TNFSF13B: variants seen among roughly 807,000 people sequenced by gnomAD.
TNFSF13B encodes the protein tumor necrosis factor ligand superfamily member 13B.
A neutral mutation model predicts 29.1 loss-of-function variants in TNFSF13B; 8 were observed. That is an observed-to-expected ratio of 0.27 (90% CI 0.16 to 0.50). The LOEUF (loss-of-function observed/expected upper bound fraction) is 0.50, where lower values mean the gene tolerates loss of function less well. Among genes scored for constraint, TNFSF13B ranks in the 20% least tolerant of loss-of-function variants. The probability of loss-of-function intolerance (pLI) is 0.98; values close to 1 mark genes in which losing one functional copy is unlikely to be tolerated. For synonymous variants in TNFSF13B, 125 were observed against 130.8 expected, an observed-to-expected ratio of 0.96 and a Z score of 0.30; for missense variants, 248 against 334.9, an observed-to-expected ratio of 0.74 and a Z score of 2.03.
At chr13:108,281,837 T>C (rs1430588844) in intron 2 of TNFSF13B, among the ~76,000 whole-genome samples, 1 of 152,188 alleles carries the variant, frequency 6.6e-6, no homozygotes. Context: ...TCAGTGAAAA[T>C]GTTAATTCAA....
chr13:108,290,808 T>C (rs1464354707), intron 3 of TNFSF13B, among the ~76,000 whole-genome samples: 1 of 152,070 alleles, frequency 6.6e-6, no homozygotes, highest in Non-Finnish European at 1.5e-5. Context: ...ATTTGGGTTG[T>C]GATTAGAAAG....
chr13:108,272,872 G>A (rs569514774), intron 2 of TNFSF13B, among the ~76,000 whole-genome samples: 2 of 151,998 alleles, frequency 1.3e-5, no homozygotes, highest in South Asian at 4.2e-4. Flanking sequence ...AAAAAAAGAT[G>A]TAGACTCATT....
intron 3 of TNFSF13B, among the ~76,000 whole-genome samples, chr13:108,292,229 G>A (rs940095896): frequency 2.0e-5 from 3 of 151,972 alleles, no homozygotes; most frequent in Non-Finnish European, 2.9e-5. Flanking sequence ...CACACAATAC[G>A]TGACTTTTAG....
Position 108,297,322 on chromosome 13 carries a change from C to T in TNFSF13B, c.482-5931C>T, listed in dbSNP as rs1307257266. ...TGACAAATCAGCTATTAATCTTATT[C>T]AGCATATTTTATATTTGATGAATTG... is the stretch of plus-strand genomic sequence containing the variant. On this transcript the variant is annotated intron_variant, in intron 3 of 5. Coordinates refer to ENST00000375887, the MANE Select transcript of TNFSF13B (RefSeq NM_006573.5). 1.4e-5 allele frequency among the ~76,000 whole-genome samples: 2 copies of T among 145,618 alleles called. 1 individual carries two copies. Among genetic ancestry groups the T allele is most frequent in the African/African-American group, 5.1e-5 (2 of 38,840 alleles).
intron 3 of TNFSF13B, among the ~76,000 whole-genome samples, chr13:108,293,962 C>G (rs992541621): frequency 2.6e-5 from 4 of 152,174 alleles, no homozygotes; most frequent in Admixed American, 1.3e-4. Flanking sequence ...CTAATACCAT[C>G]ACATTGGAAG....
intron 3 of TNFSF13B, among the ~76,000 whole-genome samples, chr13:108,296,974 G>A (rs1055983485): frequency 2.1e-5 from 3 of 145,420 alleles, no homozygotes; most frequent in Non-Finnish European, 4.6e-5. Flanking sequence ...GGAAACAAAA[G>A]GAGAAGTTAA....
chr13:108,296,408 T>A (rs1881460392), intron 3 of TNFSF13B, among the ~76,000 whole-genome samples: 1 of 145,838 alleles, frequency 6.9e-6, no homozygotes, highest in South Asian at 2.1e-4. Context: ...ATCCCTGTTA[T>A]CTTTGGCTGC....
chr13:108,306,884 A>T lies in TNFSF13B; in HGVS notation c.804A>T (p.Ala268=), dbSNP rs200637060. The change falls in exon 6 of 6, where the codon GCA becomes GCT. Residue 268 remains alanine, a synonymous_variant. Transcript: ENST00000375887. ...AACTTGCAATACCAAGAGAAAATGC[A>T]CAAATATCACTGGATGGAGATGTCA... ...ELQLAIPREN[A]QISLDGDVTF... The T allele has an allele frequency of 4.7e-5, 76 of 1,611,814 alleles. No individual in the cohort carries two copies. Among genetic ancestry groups the T allele is most frequent in the Non-Finnish European group, 6.4e-5 (75 of 1,178,702 alleles).
At position 108,270,208 on chromosome 13, in the gene TNFSF13B, G is replaced by A. The variant is rs201543678; in HGVS notation, c.313G>A (p.Ala105Thr). The A allele has an allele frequency of 1.0e-3, 1,667 of 1,602,924 alleles. 25 individuals carry two copies. In the Admixed American group the frequency reaches 0.019, roughly 18 times the overall value. Residue 105 changes from alanine (A) to threonine (T), a missense_variant, in exon 1 of 6, where the codon GCT becomes ACT. This residue lies in a region of TNFSF13B where 186 missense variants were observed against 196.3 expected (regional missense o/e 0.95). Coordinates refer to ENST00000375887, the MANE Select transcript of TNFSF13B (RefSeq NM_006573.5). ...AGAPKAGLEE[A>T]PAVTAGLKIF... ...AGCCCCCAAGGCCGGCCTGGAGGAA[G>A]CTCCAGCTGTCACCGCGGGACTGAA...
intron 2 of TNFSF13B, among the ~76,000 whole-genome samples, chr13:108,281,211 A>G (rs1880944518): frequency 6.6e-6 from 1 of 152,208 alleles, no homozygotes; most frequent in Admixed American, 6.5e-5. Context: ...ATTGCACTCC[A>G]GCCTGGGCAA....
chr13:108,291,746 T>C (rs1167786808), intron 3 of TNFSF13B, among the ~76,000 whole-genome samples: 1 of 152,060 alleles, frequency 6.6e-6, no homozygotes, highest in African/African-American at 2.4e-5. Context: ...ATAATTTTCA[T>C]TTATTGGGTG....
rs1375085976 is a variant in TNFSF13B at position 108,269,992 on chromosome 13, C to T, written c.97C>T (p.Arg33Trp). ...GAAGGAGTGTGTTTCCATCCTCCCACGGAAGGAAAGCCCCTCTGTCCGATC... is the reference window on the plus strand; with the variant it reads ...GAAGGAGTGTGTTTCCATCCTCCCATGGAAGGAAAGCCCCTCTGTCCGATC... ...KLKECVSILP[R>W]KESPSVRSSK... Residue 33 changes from arginine to tryptophan, a missense_variant, in exon 1 of 6, where the codon CGG becomes TGG. Physicochemically the swap from Arg to Trp is moderately radical, Grantham distance 101. Transcript: ENST00000375887. The T allele has an allele frequency of 6.2e-7, 1 of 1,613,498 alleles. No individual in the cohort carries two copies. The highest frequency in any genetic ancestry group is 1.7e-5 in the Admixed American group (1 of 60,018).
intron 2 of TNFSF13B, among the ~76,000 whole-genome samples, chr13:108,277,875 C>T (rs1263905774): frequency 6.6e-6 from 1 of 152,046 alleles, no homozygotes; most frequent in Non-Finnish European, 1.5e-5. Context: ...TTGTCAGCAA[C>T]GCCTTTGTGA....
At chr13:108,303,683 A>G in intron 5 of TNFSF13B, 79 bp downstream of exon 5, 1 of 1,444,044 alleles carries the variant, frequency 6.9e-7, no homozygotes, top group Non-Finnish European at 9.4e-7. Context: ...AAATGCAAAA[A>G]TGAAAGGATG....
At chr13:108,286,349 T>C (rs12583239) in intron 2 of TNFSF13B, among the ~76,000 whole-genome samples, 34,730 of 151,156 alleles carry the variant, frequency 0.23, 4,702 homozygotes, top group East Asian at 0.43. Flanking sequence ...TCAATACGTA[T>C]TAGCATTTTT....
At chr13:108,280,865 A>AAC (rs1477666653) in intron 2 of TNFSF13B, among the ~76,000 whole-genome samples, 5 of 152,094 alleles carry the variant, frequency 3.3e-5, no homozygotes, top group Non-Finnish European at 5.9e-5. Context: ...TGTCTATACA[A>AAC]ACACACACAC....
Position 108,307,124 on chromosome 13 carries a change from C to A in TNFSF13B, c.*186C>A. ...AGTCCAAAACAGGAAATTTAACAGA[C>A]AGCCACAGCCAAAGAGTGTCATGTG... On this transcript the variant is annotated 3_prime_UTR_variant, in exon 6 of 6. Transcript: ENST00000375887. 2.0e-6 allele frequency: 1 copy of A among 503,416 alleles called. No individual in the cohort carries two copies. Among genetic ancestry groups the A allele is most frequent in the Non-Finnish European group, 3.4e-6 (1 of 293,210 alleles). The allele number at this position is 503,416 out of a possible 1,614,324, so 31.2% of individuals were successfully genotyped here. A position where few individuals can be genotyped will look rare whatever the true frequency, so the allele number is the denominator to read the frequency against.
chr13:108,293,575 T>C (rs1298620543), intron 3 of TNFSF13B, among the ~76,000 whole-genome samples: 1 of 152,206 alleles, frequency 6.6e-6, no homozygotes, highest in Admixed American at 6.5e-5. Flanking sequence ...TCTTCTCTTT[T>C]ATTTATATGT....
At chr13:108,280,391 AG>A (rs1880905742) in intron 2 of TNFSF13B, among the ~76,000 whole-genome samples, 1 of 152,202 alleles carries the variant, frequency 6.6e-6, no homozygotes, top group Non-Finnish European at 1.5e-5. Flanking sequence ...CCAAATGGAA[AG>A]GTCCAAGGGG....
Sources: allele counts gnomAD v4.1 joint callset (sites outside exome capture counted in the v4.1 genomes callset), GRCh38; gene constraint gnomAD v4.1.1; regional missense constraint gnomAD v4.1.1; transcripts MANE v1.5; gene names NCBI Gene and HGNC (gene_info 2026-07-23, HGNC 2026-07-21).